The following LRRC41 variants were observed in gnomAD, a reference collection of about 807,000 sequenced individuals.
LRRC41 encodes leucine-rich repeat-containing protein 41.
A neutral mutation model predicts 72.1 loss-of-function variants in LRRC41; 17 were observed. That is an observed-to-expected ratio of 0.24 (90% CI 0.16 to 0.35). The LOEUF is 0.35. Ranked by LOEUF, LRRC41 falls within the 10% of genes least tolerant of loss-of-function variation. The pLI is 1.00. For synonymous variants in LRRC41, 427 were observed against 431.0 expected, an observed-to-expected ratio of 0.99 and a Z score of 0.11; for missense variants, 759 against 1,065.0, an observed-to-expected ratio of 0.71 and a Z score of 4.00.
In LRRC41 at chr1:46,303,181, C is replaced by A; in HGVS notation, c.142G>T (p.Glu48Ter). ...GCGCTCACCGCCCGCCCGCACAGCT[C>A]GAACAGGGCGGGGGGAGCGTTGGGG... ...SGPNAPPALF[E>*]LCGRAVSAHM... The change falls in exon 1 of 10, where the codon GAG becomes TAG. Residue 48 changes from glutamate to a stop codon, truncating the protein, a stop_gained. Transcript: ENST00000617190. LOFTEE classifies it high-confidence loss of function. 6.4e-7 allele frequency: 1 copy of A among 1,566,018 alleles called. No homozygotes were observed. Among genetic ancestry groups the A allele is most frequent in the Non-Finnish European group, 8.6e-7 (1 of 1,162,100 alleles).
At position 46,286,629 on chromosome 1, in the gene LRRC41, G is replaced by C; in HGVS notation, c.358-130C>G. The stretch of plus-strand genomic sequence containing the variant: ...AAATTCATTTAATCTTCACATCTCT[G>C]AGGTATGTATTATTATTAGCCCTAT... On this transcript the variant is annotated intron_variant, in intron 3 of 9. Coordinates refer to ENST00000617190, the MANE Select transcript of LRRC41 (RefSeq NM_006369.5). This position sits in a 1 kb window ranked among gnomAD's most constrained non-coding sequence, Gnocchi z 5.5. The C allele has an allele frequency of 1.1e-6, 1 of 883,350 alleles. No individual in the cohort carries two copies. The highest frequency in any genetic ancestry group is 1.7e-6 in the Non-Finnish European group (1 of 591,400). The allele number at this position is 883,350 out of a possible 1,614,324, so 54.7% of individuals were successfully genotyped here. A position where few individuals can be genotyped will look rare whatever the true frequency, so the allele number is the denominator to read the frequency against.
At chr1:46,293,170 G>A (rs1465799731) in intron 3 of LRRC41, among the ~76,000 whole-genome samples, 1 of 150,186 alleles carries the variant, frequency 6.7e-6, no homozygotes, top group African/African-American at 2.5e-5. Flanking sequence ...GCGACAGAGC[G>A]AGATTTCGTC....
At chr1:46,301,259 T>C (rs752628215) in intron 1 of LRRC41, among the ~76,000 whole-genome samples, 2 of 152,178 alleles carry the variant, frequency 1.3e-5, no homozygotes, top group Non-Finnish European at 2.9e-5. Context: ...GCACCTTTAA[T>C]GCTGCTGCTT....
At chr1:46,293,993 C>G (rs1345013004) in intron 3 of LRRC41, among the ~76,000 whole-genome samples, 3 of 151,654 alleles carry the variant, frequency 2.0e-5, no homozygotes, top group African/African-American at 7.3e-5. Flanking sequence ...AACTCCTGAC[C>G]TCAAGTATCT....
In LRRC41 at chr1:46,280,553, G is replaced by A; in HGVS notation, c.1764C>T (p.Cys588=). Residue 588 remains cysteine, a synonymous_variant, in exon 6 of 10, where the codon TGC becomes TGT. Transcript: ENST00000617190. ...IIGDEEIPEN[C]LEQLEMGFPR... is the part of the protein sequence containing the mutation. ...GAAATCCCATCTCCAACTGCTCCAG[G>A]CAGTTTTCTGGATATGGTGGGGAAA... 6.2e-7 allele frequency: 1 copy of A among 1,613,662 alleles called. No homozygotes were observed.
In LRRC41 at chr1:46,280,614, T is replaced by A. The variant is rs963040788; in HGVS notation, c.1757-54A>T. On this transcript the variant is annotated intron_variant, in intron 5 of 9. Coordinates refer to ENST00000617190, the MANE Select transcript of LRRC41 (RefSeq NM_006369.5). ...GCTGGCCATCTCTACCTCACTCCCA[T>A]AGCAGGTCCCATCCTGTTCTTAAGG... is the stretch of plus-strand genomic sequence containing the variant. 8 of 1,569,022 alleles carry A rather than the reference T, an allele frequency of 5.1e-6. No individual in the cohort carries two copies. In the African/African-American group the frequency reaches 1.1e-4, roughly 21 times the overall value.
In LRRC41 at chr1:46,303,610, C is replaced by G. The variant is rs1363929622; in HGVS notation, c.-288G>C. On this transcript the variant is annotated 5_prime_UTR_variant, in exon 1 of 10. Transcript: ENST00000617190. Reference sequence around the variant, plus strand: ...CTCTGCCTGCGGCTGGTAGTACATGCCAATCTGAGCATGTGTTCGCGACCA... The same window carrying G: ...CTCTGCCTGCGGCTGGTAGTACATGGCAATCTGAGCATGTGTTCGCGACCA... 6.1e-6 allele frequency: 7 copies of G among 1,144,324 alleles called. No homozygotes were observed. The highest frequency in any genetic ancestry group is 1.5e-5 in the African/African-American group (1 of 65,082). 70.9% of individuals were successfully genotyped at this position (1,144,324 alleles called of 1,614,324 possible).
At position 46,278,137 on chromosome 1, in the gene LRRC41, C is replaced by A; in HGVS notation, c.*728G>T. ...CCACCCCCTGATGGTTCTGACTGCACTTCAGACCTGGCAGGGTGGAACCAC... is the reference window on the plus strand; with the variant it reads ...CCACCCCCTGATGGTTCTGACTGCAATTCAGACCTGGCAGGGTGGAACCAC... On this transcript the variant is annotated 3_prime_UTR_variant, in exon 10 of 10. Coordinates refer to ENST00000617190, the MANE Select transcript of LRRC41 (RefSeq NM_006369.5). 1 of 1,613,914 alleles carries A rather than the reference C, an allele frequency of 6.2e-7. No individual in the cohort carries two copies. Among genetic ancestry groups the A allele is most frequent in the Non-Finnish European group, 8.5e-7 (1 of 1,179,930 alleles).
rs774166091 is a variant in LRRC41 at position 46,278,286 on chromosome 1, C to A, written c.*579G>T. 7.6e-5 allele frequency: 122 copies of A among 1,609,588 alleles called. No individual in the cohort carries two copies. Among genetic ancestry groups the A allele is most frequent in the Non-Finnish European group, 1.0e-4 (119 of 1,178,338 alleles). On this transcript the variant is annotated 3_prime_UTR_variant, in exon 10 of 10. Transcript: ENST00000617190. ...GGAGCAGCGGGGCCTCCGCTGATAA[C>A]CAGCTGGTCTGGGTGTAGCTCTTAG... is the stretch of plus-strand genomic sequence containing the variant.
chr1:46,290,944 T>TTA (rs1553171419), intron 3 of LRRC41, among the ~76,000 whole-genome samples: 36 of 148,124 alleles, frequency 2.4e-4, no homozygotes, highest in African/African-American at 7.5e-4. Context: ...TTTTTTTTTT[T>TTA]AAGACATTCC....
chr1:46,283,756 AGTGCAG>A (rs1660827455), intron 4 of LRRC41, among the ~76,000 whole-genome samples: 1 of 151,894 alleles, frequency 6.6e-6, no homozygotes, highest in Non-Finnish European at 1.5e-5. Context: ...CCCAGGTTAA[AGTGCAG>A]TAGTGCAGTG....
Position 46,285,660 on chromosome 1 carries a change from A to AGG in LRRC41, c.1196_1197insCC (p.Ala400LeufsTer80), listed in dbSNP as rs777499798. The AGG allele has an allele frequency of 1.2e-6, 2 of 1,614,066 alleles. No individual in the cohort carries two copies. Among genetic ancestry groups the AGG allele is most frequent in the Non-Finnish European group, 1.7e-6 (2 of 1,179,968 alleles). On this transcript the variant is annotated frameshift_variant, in exon 4 of 10. Transcript: ENST00000617190. LOFTEE classifies it high-confidence loss of function. This position sits in a 1 kb window ranked among gnomAD's most constrained non-coding sequence, Gnocchi z 5.3. ...CACCAGGCCCCTGACGGGTGCGAGC[A>AGG]CCCTTCTTCCCTGCAGCTCGCTTGA...
intron 1 of LRRC41, chr1:46,301,994 A>G: frequency 1.0e-6 from 1 of 983,972 alleles, no homozygotes; most frequent in Non-Finnish European, 1.2e-6. Flanking sequence ...CCCCTCTTTC[A>G]CTTGCCCCAC....
intron 4 of LRRC41, among the ~76,000 whole-genome samples, chr1:46,283,701 G>C (rs891931876): frequency 6.6e-6 from 1 of 151,558 alleles, no homozygotes; most frequent in African/African-American, 2.4e-5. Flanking sequence ...AACAGAGGAG[G>C]AGAAAACTTT....
In LRRC41 at chr1:46,302,478, C is replaced by T. The variant is rs567812950; in HGVS notation, c.199+646G>A. On this transcript the variant is annotated intron_variant, in intron 1 of 9. Coordinates refer to ENST00000617190, the MANE Select transcript of LRRC41 (RefSeq NM_006369.5). This position sits in a 1 kb window ranked among gnomAD's most constrained non-coding sequence, Gnocchi z 4.7. ...GTTTGGCACCCGAGACCCCGGTTGT[C>T]GGTTCGCTCCCGTCAGCCCTGGGCC... 5 of 985,402 alleles carry T rather than the reference C, an allele frequency of 5.1e-6. No individual in the cohort carries two copies. The highest frequency in any genetic ancestry group is 1.1e-4 in the East Asian group (1 of 8,800). The allele number at this position is 985,402 out of a possible 1,614,324, so 61.0% of individuals were successfully genotyped here.
Position 46,285,998 on chromosome 1 carries a change from G to A in LRRC41, c.859C>T (p.Arg287Cys), listed in dbSNP as rs1660878548. 11 of 1,553,922 alleles carry A rather than the reference G, an allele frequency of 7.1e-6. No homozygotes were observed. Among genetic ancestry groups the A allele is most frequent in the East Asian group, 2.3e-5 (1 of 44,332 alleles). Residue 287 changes from arginine to cysteine, a missense_variant, in exon 4 of 10, where the codon CGT becomes TGT. Physicochemically the swap from Arg to Cys is radical, Grantham distance 180 (BLOSUM62 -3). Coordinates refer to ENST00000617190, the MANE Select transcript of LRRC41 (RefSeq NM_006369.5). The surrounding 1 kb of genome is among the most constrained non-coding windows in gnomAD (Gnocchi z 5.3). ...RDEGSLLLGS[R>C]RPRRDAAERC... ...TCAGCAGCATCCCGGCGGGGCCGACGTGAGCCCAATAAGAGGGACCCTTCA... is the reference window on the plus strand; with the variant it reads ...TCAGCAGCATCCCGGCGGGGCCGACATGAGCCCAATAAGAGGGACCCTTCA...
chr1:46,301,573 T>G (rs1661224132), intron 1 of LRRC41, among the ~76,000 whole-genome samples: 1 of 151,712 alleles, frequency 6.6e-6, no homozygotes, highest in African/African-American at 2.4e-5. Flanking sequence ...TGGGCTCCAC[T>G]CCCACAGCCA....
At position 46,285,995 on chromosome 1, in the gene LRRC41, G is replaced by A. The variant is rs768016647; in HGVS notation, c.862C>T (p.Arg288Trp). The A allele has an allele frequency of 3.2e-6, 5 of 1,551,474 alleles. No homozygotes were observed. The highest frequency in any genetic ancestry group is 3.5e-6 in the Non-Finnish European group (4 of 1,148,534). ...CGCTCAGCAGCATCCCGGCGGGGCCGACGTGAGCCCAATAAGAGGGACCCT... is the reference window on the plus strand; with the variant it reads ...CGCTCAGCAGCATCCCGGCGGGGCCAACGTGAGCCCAATAAGAGGGACCCT... ...DEGSLLLGSR[R>W]PRRDAAERCA... The change falls in exon 4 of 10, where the codon CGG (arginine) becomes TGG (tryptophan). Residue 288 changes from arginine (R) to tryptophan (W), a missense_variant. By Grantham distance (101) the Arg-to-Trp change is moderately radical. This residue lies in a region of LRRC41 where 427 missense variants were observed against 520.9 expected (regional missense o/e 0.82). Transcript: ENST00000617190. The surrounding 1 kb of genome is among the most constrained non-coding windows in gnomAD (Gnocchi z 5.3).
At chr1:46,295,287 C>G (rs901215581) in intron 3 of LRRC41, among the ~76,000 whole-genome samples, 7 of 152,040 alleles carry the variant, frequency 4.6e-5, no homozygotes, top group Admixed American at 2.0e-4. Flanking sequence ...CCTTGAGCTC[C>G]TGGGTTCAAG....
Sources: gnomAD v4.1 joint callset for allele counts (sites outside exome capture counted in the v4.1 genomes callset) on GRCh38, gnomAD v4.1.1 for gene constraint, gnomAD v4.1.1 regional missense constraint, Gnocchi (gnomAD v3.1) non-coding constraint, MANE v1.5 for transcripts, NCBI Gene and HGNC (gene_info 2026-07-23, HGNC 2026-07-21) for gene names.